PTGER3: variants seen among roughly 807,000 people sequenced by gnomAD.
PTGER3 encodes prostaglandin E receptor 3.
In PTGER3, 22 loss-of-function variants were observed where a neutral mutation model predicts 34.7. The observed-to-expected ratio is 0.63, with a 90% CI of 0.45 to 0.91. The LOEUF is 0.91. Ranked by LOEUF, PTGER3 falls within the 40% of genes least tolerant of loss-of-function variation. The pLI, the probability that PTGER3 is intolerant of heterozygous loss-of-function variation, is 0.00. For missense variants in PTGER3, 468 were observed against 519.4 expected (o/e 0.90, Z 0.96); for synonymous variants, 241 against 230.1 (o/e 1.05, Z -0.43).
intron 2 of PTGER3, among the ~76,000 whole-genome samples, chr1:70,987,669 GA>G (rs1437539887): frequency 6.6e-6 from 1 of 152,150 alleles, no homozygotes; most frequent in Non-Finnish European, 1.5e-5. Context: ...GCTGAGAAGT[GA>G]TTTGTTCCCT....
intron 2 of PTGER3, chr1:71,006,416 C>T: frequency 1.0e-6 from 1 of 985,386 alleles, no homozygotes; most frequent in East Asian, 1.1e-4. Context: ...GTATTCATAA[C>T]CACCAATACT....
At position 70,895,117 on chromosome 1, in the gene PTGER3, C is replaced by T. The variant is rs1462733249; in HGVS notation, c.*24-42258G>A. Among the ~76,000 whole-genome samples the T allele has an allele frequency of 2.0e-5, 3 of 152,174 alleles. No individual in the cohort carries two copies. In the East Asian group the frequency reaches 5.8e-4, roughly 29 times the overall value. The stretch of plus-strand genomic sequence containing the variant: ...CATCTCAATACTGAGTTCCCCCCAG[C>T]ACCAGGAGCAAGAGCATAGCATTTA... On this transcript the variant is annotated intron_variant, in intron 4 of 4. Coordinates refer to the PTGER3 transcript ENST00000370931.
intron 4 of PTGER3, among the ~76,000 whole-genome samples, chr1:70,904,190 G>A (rs536560413): frequency 6.6e-6 from 1 of 152,224 alleles, no homozygotes; most frequent in Non-Finnish European, 1.5e-5. Context: ...ATGATTCTGA[G>A]GCCTCCCCAG....
chr1:70,856,658 T>G (rs545829451), intron 4 of PTGER3, among the ~76,000 whole-genome samples: 1 of 152,334 alleles, frequency 6.6e-6, no homozygotes, highest in African/African-American at 2.4e-5. Context: ...GAATGTGACT[T>G]AATAAGAATT....
Position 71,047,269 on chromosome 1 carries a change from CT to C in PTGER3, c.308del (p.Gln103ArgfsTer33). ...CGATGACGACCGGGGTGGTGAGAAG[CT>C]GCCCGACCAGGTCGGTGAGCGCCAG... is the stretch of plus-strand genomic sequence containing the variant. ...GWLALTDLVGQLLTTPVVIVV... is the reference protein window; with the variant it reads ...GWLALTDLVGXLLTTPVVIVV... On this transcript the variant is annotated frameshift_variant, in exon 1 of 4. Coordinates refer to ENST00000306666, the MANE Select transcript of PTGER3 (RefSeq NM_198719.2). LOFTEE classifies it high-confidence loss of function. 6.3e-7 allele frequency: 1 copy of C among 1,596,550 alleles called. No homozygotes were observed. Among genetic ancestry groups the C allele is most frequent in the Non-Finnish European group, 8.5e-7 (1 of 1,172,350 alleles).
chr1:70,852,659 A>G, exon 5 of PTGER3: 1 of 743,198 alleles, frequency 1.3e-6, no homozygotes, highest in Non-Finnish European at 2.3e-6. Flanking sequence ...TAAAAGTACA[A>G]AAACATGTAT....
intron 4 of PTGER3, among the ~76,000 whole-genome samples, chr1:70,915,084 C>T (rs1161819317): frequency 2.0e-5 from 3 of 151,876 alleles, no homozygotes; most frequent in South Asian, 2.1e-4. Context: ...TCTTTTTATT[C>T]TATCATCTCA....
At chr1:70,906,492 G>A (rs955456735) in intron 4 of PTGER3, among the ~76,000 whole-genome samples, 2 of 133,618 alleles carry the variant, frequency 1.5e-5, no homozygotes, top group African/African-American at 5.8e-5. Flanking sequence ...TCATATAACT[G>A]CAGCCAGTTT....
At chr1:70,919,589 T>C (rs1647331862) in intron 4 of PTGER3, among the ~76,000 whole-genome samples, 1 of 152,212 alleles carries the variant, frequency 6.6e-6, no homozygotes, top group African/African-American at 2.4e-5. Flanking sequence ...TAGCAAACAT[T>C]GTGATGATAA....
At chr1:70,968,891 C>A (rs1465003321), downstream of PTGER3, among the ~76,000 whole-genome samples, 1 of 151,826 alleles carries the variant, frequency 6.6e-6, no homozygotes, top group African/African-American at 2.4e-5. Context: ...AACAAAAAAA[C>A]CTTTAATAAA....
chr1:71,004,879 A>AGC (rs766386220), intron 2 of PTGER3, among the ~76,000 whole-genome samples: 5 of 152,224 alleles, frequency 3.3e-5, no homozygotes, highest in Non-Finnish European at 7.3e-5. Flanking sequence ...ACAAACTGGC[A>AGC]TTCTAGTACC....
At position 71,032,879 on chromosome 1, in the gene PTGER3, T is replaced by G. The variant is rs978914043; in HGVS notation, c.897+13802A>C. On this transcript the variant is annotated intron_variant, in intron 1 of 3. Coordinates refer to ENST00000306666, the MANE Select transcript of PTGER3 (RefSeq NM_198719.2). ...AGAGGCCAACAGTAACCAGAACCCG[T>G]TTAGAAAGAACAATGACAACAAAAA... Among the ~76,000 whole-genome samples, 12 of 152,288 alleles carry G rather than the reference T, an allele frequency of 7.9e-5. No homozygotes were observed. In the East Asian group the frequency reaches 1.9e-3, roughly 24 times the overall value.
At chr1:71,039,941 T>A (rs1002376183) in intron 1 of PTGER3, among the ~76,000 whole-genome samples, 1 of 152,092 alleles carries the variant, frequency 6.6e-6, no homozygotes, top group Non-Finnish European at 1.5e-5. Flanking sequence ...AGTATTTTCA[T>A]AGTACTGTAT....
chr1:71,000,537 A>T (rs1189235038), intron 2 of PTGER3, among the ~76,000 whole-genome samples: 4 of 152,184 alleles, frequency 2.6e-5, no homozygotes, highest in Non-Finnish European at 4.4e-5. Flanking sequence ...TTTAAAGCAG[A>T]TGTGGTCAAA....
intron 4 of PTGER3, among the ~76,000 whole-genome samples, chr1:70,909,955 A>ACAACCTT (rs780468120): frequency 2.0e-5 from 3 of 152,362 alleles, no homozygotes; most frequent in Non-Finnish European, 2.9e-5. Context: ...TCTGTAAAAC[A>ACAACCTT]CATAAGAATA....
chr1:70,947,732 T>C (rs893692412), downstream of PTGER3, among the ~76,000 whole-genome samples: 6 of 152,192 alleles, frequency 3.9e-5, no homozygotes, highest in African/African-American at 1.4e-4. Context: ...ACATTAATGC[T>C]GTTGGGGTCT....
chr1:70,927,130 G>A (rs1280486391), intron 4 of PTGER3, among the ~76,000 whole-genome samples: 1 of 152,218 alleles, frequency 6.6e-6, no homozygotes, highest in Non-Finnish European at 1.5e-5. Context: ...AAGGATATTG[G>A]TCTAAAATTC....
intron 4 of PTGER3, among the ~76,000 whole-genome samples, chr1:70,932,989 A>G (rs1174314964): frequency 1.3e-5 from 2 of 152,252 alleles, no homozygotes; most frequent in South Asian, 4.1e-4. Flanking sequence ...CAGTAACTAT[A>G]CTAAATTATA....
intron 4 of PTGER3, among the ~76,000 whole-genome samples, chr1:70,863,800 G>C (rs1462165786): frequency 1.3e-5 from 2 of 152,124 alleles, no homozygotes; most frequent in African/African-American, 4.8e-5. Context: ...TAAAGAATGT[G>C]TGGAGAATAT....
Sources: gnomAD v4.1 joint callset for allele counts (sites outside exome capture counted in the v4.1 genomes callset) on GRCh38, gnomAD v4.1.1 for gene constraint, MANE v1.5 for transcripts, NCBI Gene and HGNC (gene_info 2026-07-23, HGNC 2026-07-21) for gene names.